TTC17: variants seen among roughly 807,000 people sequenced by gnomAD.
The protein encoded by TTC17 is tetratricopeptide repeat protein 17.
Under a neutral mutation model 143.8 loss-of-function variants are expected in TTC17, and 58 were observed. The ratio of observed to expected loss-of-function variants is 0.40; its 90% CI spans 0.33 to 0.50. The LOEUF is 0.50. Among genes scored for constraint, TTC17 ranks in the 20% least tolerant of loss-of-function variants. The pLI is 0.49. For synonymous variants in TTC17, 501 were observed against 497.8 expected, an observed-to-expected ratio of 1.01 and a Z score of -0.09; for missense variants, 1,273 against 1,392.5, an observed-to-expected ratio of 0.91 and a Z score of 1.37.
chr11:43,381,035 G>GT (rs546673530), intron 2 of TTC17, among the ~76,000 whole-genome samples: 280 of 152,224 alleles, frequency 1.8e-3, no homozygotes, highest in African/African-American at 6.5e-3. Flanking sequence ...TAGGGAGGCA[G>GT]TATTATATAA....
chr11:43,398,938 C>T (rs1039486018), intron 8 of TTC17, among the ~76,000 whole-genome samples: 4 of 152,110 alleles, frequency 2.6e-5, no homozygotes, highest in African/African-American at 9.7e-5. Context: ...GAGCTTTTTC[C>T]AGTATCATGC....
chr11:43,387,887 T>C (rs193270182), intron 2 of TTC17, among the ~76,000 whole-genome samples: 39 of 152,256 alleles, frequency 2.6e-4, no homozygotes, highest in African/African-American at 9.1e-4. Context: ...ATAATAAATA[T>C]AACAAAATAA....
At chr11:43,460,753 T>C (rs1947850126) in intron 21 of TTC17, among the ~76,000 whole-genome samples, 3 of 152,168 alleles carry the variant, frequency 2.0e-5, no homozygotes, top group Admixed American at 2.0e-4. Flanking sequence ...CTCAAATGTC[T>C]GGGGCCTCAA....
chr11:43,389,916 C>T, intron 3 of TTC17, 95 bp downstream of exon 3: 1 of 1,139,142 alleles, frequency 8.8e-7, no homozygotes, highest in East Asian at 2.5e-5. Context: ...GGGTAAGCTT[C>T]AATCACAGAT....
chr11:43,491,871 C>A, intron 22 of TTC17, 149 bp from the exon 23 acceptor site: 1 of 916,112 alleles, frequency 1.1e-6, no homozygotes, highest in Non-Finnish European at 1.7e-6. Flanking sequence ...CTATCACAGA[C>A]CAGTAGCAAA....
intron 1 of TTC17, among the ~76,000 whole-genome samples, chr11:43,377,119 C>T (rs1856789769): frequency 6.6e-6 from 1 of 152,096 alleles, no homozygotes; most frequent in Admixed American, 6.5e-5. Flanking sequence ...TGGTGAAACT[C>T]CATCTCTACT....
chr11:43,431,434 G>T (rs1006134343), intron 16 of TTC17, among the ~76,000 whole-genome samples: 1 of 152,202 alleles, frequency 6.6e-6, no homozygotes, highest in African/African-American at 2.4e-5. Flanking sequence ...TCCAGCATCT[G>T]TTGTTTCCTG....
At chr11:43,466,031 A>G (rs1300528648) in intron 21 of TTC17, among the ~76,000 whole-genome samples, 1 of 152,244 alleles carries the variant, frequency 6.6e-6, no homozygotes, top group African/African-American at 2.4e-5. Flanking sequence ...CAAGTCATAC[A>G]TCTAATAAAG....
intron 21 of TTC17, among the ~76,000 whole-genome samples, chr11:43,483,733 A>T (rs1271745151): frequency 6.6e-6 from 1 of 152,246 alleles, no homozygotes; most frequent in African/African-American, 2.4e-5. Flanking sequence ...TTCAAAGATG[A>T]TTCTTACTGA....
At chr11:43,417,766 G>T (rs1341194925) in intron 16 of TTC17, among the ~76,000 whole-genome samples, 1 of 152,208 alleles carries the variant, frequency 6.6e-6, no homozygotes, top group Middle Eastern at 3.2e-3. Flanking sequence ...TGAAGTTCAG[G>T]CTTGAACCCA....
intron 16 of TTC17, among the ~76,000 whole-genome samples, chr11:43,434,852 T>C (rs1274667501): frequency 6.6e-6 from 1 of 152,160 alleles, no homozygotes; most frequent in South Asian, 2.1e-4. Context: ...AAGTGGAAAA[T>C]GGAAAATGAC....
intron 16 of TTC17, among the ~76,000 whole-genome samples, chr11:43,416,733 C>G (rs571836385): frequency 4.5e-4 from 69 of 152,092 alleles, no homozygotes; most frequent in Non-Finnish European, 7.2e-4. Context: ...TATTTAGTAC[C>G]TTTTACATTG....
chr11:43,411,124 C>T (rs558369327), intron 15 of TTC17, among the ~76,000 whole-genome samples: 10 of 152,270 alleles, frequency 6.6e-5, no homozygotes, highest in African/African-American at 1.9e-4. Flanking sequence ...ATAGAACTCA[C>T]GGGAAAATAC....
At chr11:43,392,952 C>T (rs561457903) in intron 5 of TTC17, among the ~76,000 whole-genome samples, 49 of 152,318 alleles carry the variant, frequency 3.2e-4, no homozygotes, top group African/African-American at 1.1e-3. Flanking sequence ...TCAAAGACCA[C>T]GGAAGAGCAT....
At chr11:43,486,864 C>T (rs1670075126) in intron 21 of TTC17, among the ~76,000 whole-genome samples, 1 of 151,808 alleles carries the variant, frequency 6.6e-6, no homozygotes, top group Non-Finnish European at 1.5e-5. Flanking sequence ...GGCAAAATCA[C>T]ATCTCTACAA....
chr11:43,393,619 G>C (rs928568124), intron 5 of TTC17, among the ~76,000 whole-genome samples: 1 of 152,148 alleles, frequency 6.6e-6, no homozygotes, highest in African/African-American at 2.4e-5. Flanking sequence ...CCGAAGGACA[G>C]GGGGAGGATG....
intron 21 of TTC17, among the ~76,000 whole-genome samples, chr11:43,471,572 C>G (rs1197754483): frequency 6.6e-6 from 1 of 152,222 alleles, no homozygotes; most frequent in Non-Finnish European, 1.5e-5. Context: ...GAGTGGACAG[C>G]TTCTCTCAGC....
intron 16 of TTC17, among the ~76,000 whole-genome samples, chr11:43,415,736 G>C (rs1946763739): frequency 6.6e-6 from 1 of 152,156 alleles, no homozygotes; most frequent in Non-Finnish European, 1.5e-5. Context: ...AATTTTAATA[G>C]AGTGATAGAC....
In TTC17 at chr11:43,463,879, A is replaced by ATTT. The variant is rs1436052516; in HGVS notation, c.3030+12615_3030+12616insTTT. Among the ~76,000 whole-genome samples, 3 of 152,392 alleles carry ATTT rather than the reference A, an allele frequency of 2.0e-5. No individual in the cohort carries two copies. In the East Asian group the frequency reaches 5.8e-4, roughly 29 times the overall value. On this transcript the variant is annotated intron_variant, in intron 21 of 23. Coordinates refer to ENST00000039989, the MANE Select transcript of TTC17 (RefSeq NM_018259.6). ...TGAATGCACAAACCAATGGGAAAGA[A>ATTT]TAAAAGACTAATTGCATATGGCAAT... is the stretch of plus-strand genomic sequence containing the variant.
Sources: gnomAD v4.1 joint callset for allele counts (sites outside exome capture counted in the v4.1 genomes callset) on GRCh38, gnomAD v4.1.1 for gene constraint, MANE v1.5 for transcripts, NCBI Gene and HGNC (gene_info 2026-07-23, HGNC 2026-07-21) for gene names.